The following HERC2 variants were observed in gnomAD, a reference collection of about 807,000 sequenced individuals.
The protein encoded by HERC2 is E3 ubiquitin-protein ligase HERC2.
In HERC2, 102 loss-of-function variants were observed where a neutral mutation model predicts 537.7. The ratio of observed to expected loss-of-function variants is 0.19; its 90% confidence interval spans 0.16 to 0.22. HERC2 has a LOEUF of 0.22. Ranked by LOEUF, HERC2 falls within the 10% of genes least tolerant of loss-of-function variation. The probability of loss-of-function intolerance (pLI) is 1.00; values close to 1 mark genes in which losing one functional copy is unlikely to be tolerated. For missense variants in HERC2, 4,236 were observed against 6,198.2 expected (o/e 0.68, Z 10.63); for synonymous variants, 2,224 against 2,466.2 (o/e 0.90, Z 2.91).
chr15:28,255,022 C>T (rs112219184), intron 19 of HERC2, among the ~76,000 whole-genome samples: 9 of 152,314 alleles, frequency 5.9e-5, no homozygotes, highest in African/African-American at 1.9e-4. Flanking sequence ...ACAGCACAAC[C>T]GTGGCAGCTC....
Position 28,141,775 on chromosome 15 carries a change from A to G in HERC2, c.11772T>C (p.Ile3924=), listed in dbSNP as rs768075877. The G allele has an allele frequency of 2.2e-5, 36 of 1,614,076 alleles. No homozygotes were observed. The highest frequency in any genetic ancestry group is 3.0e-5 in the Non-Finnish European group (35 of 1,180,050). The change falls in exon 77 of 93, where the codon ATT becomes ATC. Residue 3924 remains isoleucine, a synonymous_variant. Transcript: ENST00000261609. ...GTTGTTCGTCTTGCTCTCTTTTAAA[A>G]ATGTCATGGCTCTCATGCAGAACAT... The part of the protein sequence containing the change: ...NMDVLHESHD[I]FKREQDEQLV...
Position 28,315,682 on chromosome 15 carries a change from A to G in HERC2, c.72+5680T>C, listed in dbSNP as rs1596471737. 7 of 766,370 alleles carry G rather than the reference A, an allele frequency of 9.1e-6. No homozygotes were observed. In the East Asian group the frequency reaches 1.5e-4, roughly 17 times the overall value. 47.5% of individuals were successfully genotyped at this position (766,370 alleles called of 1,614,324 possible). On this transcript the variant is annotated intron_variant, in intron 2 of 92. Coordinates refer to ENST00000261609, the MANE Select transcript of HERC2 (RefSeq NM_004667.6). ...CGGCGTTAGCGCCATTTTCTTGGAA[A>G]CCTCTGCGCCATGAGAGCCAAGTGG...
intron 20 of HERC2, 34 bp downstream of exon 20, chr15:28,254,306 T>A: frequency 7.0e-7 from 1 of 1,429,274 alleles, no homozygotes; most frequent in South Asian, 1.3e-5. Context: ...AGTAAATAAA[T>A]AACATATAAT....
chr15:28,217,776 A>G (rs1900090729), intron 38 of HERC2, among the ~76,000 whole-genome samples: 1 of 152,116 alleles, frequency 6.6e-6, no homozygotes, highest in African/African-American at 2.4e-5. Flanking sequence ...GGACATGCAG[A>G]ACACAGGGGC....
intron 3 of HERC2, among the ~76,000 whole-genome samples, chr15:28,295,004 A>T (rs1205419318): frequency 1.3e-5 from 2 of 151,984 alleles, no homozygotes; most frequent in Non-Finnish European, 2.9e-5. Context: ...AAGAGTGGCA[A>T]AAAAGAACAT....
intron 2 of HERC2, chr15:28,315,653 CT>C: frequency 1.6e-6 from 1 of 639,614 alleles, no homozygotes; most frequent in South Asian, 1.5e-5. Context: ...AATTATCTGG[CT>C]CTCGGCGTTA....
chr15:28,285,358 A>G (rs1232278033), intron 4 of HERC2, among the ~76,000 whole-genome samples: 1 of 152,250 alleles, frequency 6.6e-6, no homozygotes, highest in African/African-American at 2.4e-5. Flanking sequence ...CCCTCAAACA[A>G]TGGAAACAAA....
At chr15:28,316,791 T>C (rs147030097) in intron 2 of HERC2, among the ~76,000 whole-genome samples, 2,757 of 152,144 alleles carry the variant, frequency 0.018, 27 homozygotes, top group African/African-American at 0.063. Context: ...GTTTTTATTT[T>C]TTTTGAGACG....
intron 2 of HERC2, among the ~76,000 whole-genome samples, chr15:28,313,113 G>A (rs1306879490): frequency 1.3e-5 from 2 of 150,478 alleles, no homozygotes; most frequent in African/African-American, 4.9e-5. Flanking sequence ...ACGGCAGCCA[G>A]GGCAAGCCTT....
Position 28,112,677 on chromosome 15 carries a change from C to T in HERC2, c.14232+394G>A, listed in dbSNP as rs538105704. 5.3e-5 allele frequency among the ~76,000 whole-genome samples: 8 copies of T among 152,270 alleles called. No individual in the cohort carries two copies. In the South Asian group the frequency reaches 1.7e-3, roughly 32 times the overall value. On this transcript the variant is annotated intron_variant, in intron 92 of 92. Coordinates refer to ENST00000261609, the MANE Select transcript of HERC2 (RefSeq NM_004667.6). ...GAGCTTGTTTCTGACCACCGGCCCA[C>T]AGAGTTGGAACCCAAAGCAAAACCC...
chr15:28,304,476 C>T (rs2076724855), intron 2 of HERC2, among the ~76,000 whole-genome samples: 1 of 151,308 alleles, frequency 6.6e-6, no homozygotes, highest in African/African-American at 2.4e-5. Context: ...CAAGTGATTT[C>T]CCTGCCTCAG....
intron 50 of HERC2, among the ~76,000 whole-genome samples, chr15:28,198,113 C>T (rs904797038): frequency 1.1e-4 from 16 of 152,180 alleles, no homozygotes; most frequent in African/African-American, 3.9e-4. Context: ...CATTAGTCCT[C>T]GCTCACTCCC....
At chr15:28,150,183 C>T (rs1012557406) in intron 70 of HERC2, among the ~76,000 whole-genome samples, 2 of 151,670 alleles carry the variant, frequency 1.3e-5, no homozygotes, top group African/African-American at 2.4e-5. Context: ...ACGAAAAAAA[C>T]GCACGCGGCT....
Position 28,292,230 on chromosome 15 carries a change from CAAAAAAAAAAAA to C in HERC2, c.322+646_322+657del, listed in dbSNP as rs34513876. 5.9e-5 allele frequency among the ~76,000 whole-genome samples: 4 copies of C among 67,488 alleles called. No homozygotes were observed. The East Asian group carries it at 1.4e-3, about 24-fold the overall frequency. 44.3% of individuals were successfully genotyped at this position (67,488 alleles called of 152,430 possible). A position where few individuals can be genotyped will look rare whatever the true frequency, so the allele number is the denominator to read the frequency against. ...GGCAACAAGAGCCAAACTCCATCTC[CAAAAAAAAAAAA>C]AAAAAAAAAAACCAGGCAAAGTATT... On this transcript the variant is annotated intron_variant, in intron 4 of 92. Coordinates refer to ENST00000261609, the MANE Select transcript of HERC2 (RefSeq NM_004667.6).
chr15:28,131,768 G>A lies in HERC2; in HGVS notation c.12570+332C>T, dbSNP rs1187419562. 2.6e-5 allele frequency among the ~76,000 whole-genome samples: 4 copies of A among 152,166 alleles called. No homozygotes were observed. The East Asian group carries it at 5.8e-4, about 22-fold the overall frequency. ...GCAACTCCACACCACTGTAAACTGA[G>A]AGAGTGTGAGCCATGTGATATCCTT... On this transcript the variant is annotated intron_variant, in intron 81 of 92. Coordinates refer to ENST00000261609, the MANE Select transcript of HERC2 (RefSeq NM_004667.6).
At chr15:28,170,117 T>C (rs1333796671) in intron 65 of HERC2, among the ~76,000 whole-genome samples, 2 of 152,368 alleles carry the variant, frequency 1.3e-5, no homozygotes, top group East Asian at 3.9e-4. Context: ...CATGTGTCTA[T>C]GTCAACTCAT....
intron 88 of HERC2, 53 bp from the exon 89 acceptor site, chr15:28,115,594 T>C: frequency 7.3e-7 from 1 of 1,365,960 alleles, no homozygotes; most frequent in Non-Finnish European, 1.0e-6. Flanking sequence ...ATGACAAAAC[T>C]TCCCGCTCAC....
At chr15:28,306,330 A>G (rs1013516052) in intron 2 of HERC2, among the ~76,000 whole-genome samples, 3 of 152,188 alleles carry the variant, frequency 2.0e-5, no homozygotes, top group Non-Finnish European at 4.4e-5. Flanking sequence ...AAATGATCAT[A>G]TGGTTTTTTA....
rs543971307 is a variant in HERC2, at chr15:28,119,705, C to T, written c.13272+1641G>A. On this transcript the variant is annotated intron_variant, in intron 86 of 92. Coordinates refer to ENST00000261609, the MANE Select transcript of HERC2 (RefSeq NM_004667.6). ...CTAGGCTCAAGCAATCCATCCACGT[C>T]AGCCTCCCAAAGTGCTGGGATTACA... Among the ~76,000 whole-genome samples, 324 of 152,224 alleles carry T rather than the reference C, an allele frequency of 2.1e-3. 1 individual carries two copies. The highest frequency in any genetic ancestry group is 9.5e-3 in the South Asian group (46 of 4,818).
Sources: gnomAD v4.1 joint callset for allele counts (sites outside exome capture counted in the v4.1 genomes callset) on GRCh38, gnomAD v4.1.1 for gene constraint, MANE v1.5 for transcripts, NCBI Gene and HGNC (gene_info 2026-07-23, HGNC 2026-07-21) for gene names.